DACH1: variants seen among roughly 807,000 people sequenced by gnomAD.
DACH1 encodes the protein dachshund homolog 1.
DACH1 carries 12 observed loss-of-function variants against 54.2 expected under a neutral mutation model. The observed-to-expected ratio is 0.22, with a 90% confidence interval of 0.14 to 0.36. The LOEUF (loss-of-function observed/expected upper bound fraction) is 0.36, where lower values mean the gene tolerates loss of function less well. DACH1 is among the 10% of genes least tolerant of loss of function. The pLI is 1.00. For missense variants in DACH1, 805 were observed against 929.8 expected (o/e 0.87, Z 1.75); for synonymous variants, 386 against 366.2 (o/e 1.05, Z -0.62).
intron 2 of DACH1, among the ~76,000 whole-genome samples, chr13:71,633,002 A>G (rs926213911): frequency 4.6e-5 from 7 of 152,102 alleles, no homozygotes; most frequent in Non-Finnish European, 8.8e-5. Context: ...TTTGTCACCA[A>G]TGTGAACATC....
chr13:71,731,023 A>G (rs1195742573), intron 1 of DACH1, among the ~76,000 whole-genome samples: 1 of 152,048 alleles, frequency 6.6e-6, no homozygotes, highest in Non-Finnish European at 1.5e-5. Context: ...ACTATTACCT[A>G]CTTAATTGTA....
intron 1 of DACH1, among the ~76,000 whole-genome samples, chr13:71,731,432 C>G (rs1233140674): frequency 6.6e-6 from 1 of 151,852 alleles, no homozygotes; most frequent in Non-Finnish European, 1.5e-5. Context: ...TACAGGCGCC[C>G]GCCATCACAC....
At chr13:71,687,583 A>G (rs2138715146) in intron 1 of DACH1, among the ~76,000 whole-genome samples, 1 of 152,300 alleles carries the variant, frequency 6.6e-6, no homozygotes, top group Non-Finnish European at 1.5e-5. Flanking sequence ...TCTGTCATAA[A>G]CATACATTAT....
chr13:71,517,732 G>T (rs1203649690), intron 6 of DACH1, among the ~76,000 whole-genome samples: 2 of 151,800 alleles, frequency 1.3e-5, no homozygotes, highest in East Asian at 3.9e-4. Flanking sequence ...ACAACCAGAA[G>T]TCCTGAAGCA....
chr13:71,816,677 C>T (rs577273043), intron 1 of DACH1, among the ~76,000 whole-genome samples: 10 of 125,410 alleles, frequency 8.0e-5, no homozygotes, highest in Admixed American at 2.5e-4. Context: ...TATATACACA[C>T]ATATATATAT....
chr13:71,865,063 A>G (rs1874632789), intron 1 of DACH1, among the ~76,000 whole-genome samples: 1 of 152,148 alleles, frequency 6.6e-6, no homozygotes, highest in Non-Finnish European at 1.5e-5. Flanking sequence ...TCTCCAGTTC[A>G]GCTTCCATTG....
chr13:71,793,269 G>GA (rs1483316628), intron 1 of DACH1, among the ~76,000 whole-genome samples: 2 of 152,246 alleles, frequency 1.3e-5, no homozygotes, highest in Non-Finnish European at 2.9e-5. Flanking sequence ...TGTATTTACT[G>GA]AAGAACTGAA....
At chr13:71,614,366 A>G (rs1019469727) in intron 3 of DACH1, among the ~76,000 whole-genome samples, 4 of 152,180 alleles carry the variant, frequency 2.6e-5, no homozygotes, top group Admixed American at 6.5e-5. Flanking sequence ...GAATGGATGT[A>G]GGAATGGATA....
chr13:71,643,060 ATATTT>A (rs1395172064), intron 2 of DACH1, among the ~76,000 whole-genome samples: 1 of 152,060 alleles, frequency 6.6e-6, no homozygotes, highest in Non-Finnish European at 1.5e-5. Context: ...TAATATTATT[ATATTT>A]TATTATTGTT....
intron 1 of DACH1, among the ~76,000 whole-genome samples, chr13:71,771,355 A>C (rs483709): frequency 0.038 from 5,689 of 150,496 alleles, 211 homozygotes; most frequent in African/African-American, 0.1. Flanking sequence ...ATAAATAAAT[A>C]AATCTTTGCC....
chr13:71,599,573 T>A (rs1288464651), intron 3 of DACH1, among the ~76,000 whole-genome samples: 4 of 152,094 alleles, frequency 2.6e-5, no homozygotes, highest in Non-Finnish European at 5.9e-5. Flanking sequence ...GCAGGAAAAG[T>A]CAATTAATAC....
At chr13:71,607,722 T>G (rs1018918728) in intron 3 of DACH1, among the ~76,000 whole-genome samples, 10 of 152,072 alleles carry the variant, frequency 6.6e-5, no homozygotes, top group Non-Finnish European at 1.5e-4. Context: ...ATACAAAGAT[T>G]ATCATGAGCA....
At chr13:71,706,124 C>T (rs576256058) in intron 1 of DACH1, among the ~76,000 whole-genome samples, 46 of 151,916 alleles carry the variant, frequency 3.0e-4, no homozygotes, top group African/African-American at 8.7e-4. Flanking sequence ...TTTTCTAATG[C>T]GAATGTTACA....
chr13:71,533,475 A>G (rs1262234706), intron 6 of DACH1, among the ~76,000 whole-genome samples: 2 of 152,016 alleles, frequency 1.3e-5, no homozygotes, highest in East Asian at 1.9e-4. Context: ...CTTAAATACT[A>G]TGATGTTGAT....
At chr13:71,677,223 T>A (rs1270031739) in intron 2 of DACH1, among the ~76,000 whole-genome samples, 1 of 152,226 alleles carries the variant, frequency 6.6e-6, no homozygotes, top group Non-Finnish European at 1.5e-5. Context: ...CTAGGATGAA[T>A]TATTTCAAAC....
intron 2 of DACH1, among the ~76,000 whole-genome samples, chr13:71,658,476 G>A (rs1016955076): frequency 6.6e-6 from 1 of 152,084 alleles, no homozygotes; most frequent in Non-Finnish European, 1.5e-5. Context: ...CTTGAACCCG[G>A]GAGGCTGAGG....
At chr13:71,495,657 T>A (rs982887623) in intron 6 of DACH1, among the ~76,000 whole-genome samples, 2 of 151,850 alleles carry the variant, frequency 1.3e-5, no homozygotes, top group South Asian at 4.2e-4. Context: ...AAAGAAAAAA[T>A]TACAGATATT....
rs907024093 is a variant in DACH1 at position 71,748,032 on chromosome 13, TCCAA to T, written c.849-66126_849-66123del. On this transcript the variant is annotated intron_variant, in intron 1 of 10. Coordinates refer to ENST00000613252, the MANE Select transcript of DACH1 (RefSeq NM_080759.6). ...ACCTTTGGGGGACAGCATGTTGACT[TCCAA>T]CTATAAAAAGATTAAGTACAGTTAG... Among the ~76,000 whole-genome samples, 2 of 152,136 alleles carry T rather than the reference TCCAA, an allele frequency of 1.3e-5. 1 individual carries two copies. The highest frequency in any genetic ancestry group is 1.3e-4 in the Admixed American group (2 of 15,274).
At chr13:71,488,133 T>G (rs970876629) in intron 7 of DACH1, among the ~76,000 whole-genome samples, 32 of 152,262 alleles carry the variant, frequency 2.1e-4, no homozygotes, top group African/African-American at 7.5e-4. Flanking sequence ...AACTTTAATA[T>G]GATAGGATAT....
Sources: allele counts gnomAD v4.1 joint callset (sites outside exome capture counted in the v4.1 genomes callset), GRCh38; gene constraint gnomAD v4.1.1; transcripts MANE v1.5; gene names NCBI Gene and HGNC (gene_info 2026-07-23, HGNC 2026-07-21).